Variants in PLXNA4 observed in about 807,000 individuals in gnomAD.
PLXNA4 encodes plexin A4.
PLXNA4 carries 44 observed loss-of-function variants against 191.8 expected under a neutral mutation model. The ratio of observed to expected loss-of-function variants is 0.23; its 90% CI spans 0.18 to 0.29. The LOEUF (loss-of-function observed/expected upper bound fraction) is 0.29, where lower values mean the gene tolerates loss of function less well. PLXNA4 is among the 10% of genes least tolerant of loss of function. The pLI, the probability that PLXNA4 is intolerant of heterozygous loss-of-function variation, is 1.00. For missense variants in PLXNA4, 1,800 were observed against 2,488.8 expected (o/e 0.72, Z 5.89); for synonymous variants, 1,082 against 1,009.5 (o/e 1.07, Z -1.36).
At chr7:132,386,941 T>C (rs148536377) in intron 3 of PLXNA4, among the ~76,000 whole-genome samples, 54 of 152,364 alleles carry the variant, frequency 3.5e-4, no homozygotes, top group African/African-American at 1.2e-3. Flanking sequence ...TGTAGATGGA[T>C]ACTTTTGTCA....
At chr7:132,493,979 C>A (rs1412124951) in intron 2 of PLXNA4, among the ~76,000 whole-genome samples, 1 of 152,152 alleles carries the variant, frequency 6.6e-6, no homozygotes, top group Non-Finnish European at 1.5e-5. Flanking sequence ...TACAATAGTA[C>A]ATACTTTGTT....
chr7:132,637,115 T>G lies in PLXNA4; in HGVS notation c.-87+8813A>C, dbSNP rs560266994. Among the ~76,000 whole-genome samples the G allele has an allele frequency of 2.0e-5, 3 of 152,320 alleles. No individual in the cohort carries two copies. The South Asian group carries it at 6.2e-4, about 32-fold the overall frequency. ...AAAAGTCCATTCCCAAAGAGCCTTT[T>G]GATCATTCTCTTGGCTCTCAGCTCC... On this transcript the variant is annotated intron_variant, in intron 2 of 4. Transcript: ENST00000378539.
At chr7:132,213,470 C>T (rs772933775) in intron 9 of PLXNA4, among the ~76,000 whole-genome samples, 2 of 152,204 alleles carry the variant, frequency 1.3e-5, no homozygotes, top group Non-Finnish European at 2.9e-5. Flanking sequence ...TTGGCCTTCA[C>T]CTTGCATGTG....
intron 3 of PLXNA4, among the ~76,000 whole-genome samples, chr7:132,475,943 T>C (rs1338430088): frequency 6.6e-6 from 1 of 152,100 alleles, no homozygotes; most frequent in Non-Finnish European, 1.5e-5. Context: ...GGTGTGCCGC[T>C]AATCTCCCAG....
intron 1 of PLXNA4, among the ~76,000 whole-genome samples, chr7:132,533,271 T>C (rs1037318184): frequency 6.6e-6 from 1 of 152,212 alleles, no homozygotes; most frequent in African/African-American, 2.4e-5. Flanking sequence ...TGATCAGGAC[T>C]GTTTTACCTT....
chr7:132,380,673 C>G (rs552938151), intron 3 of PLXNA4, among the ~76,000 whole-genome samples: 1 of 152,076 alleles, frequency 6.6e-6, no homozygotes, highest in Admixed American at 6.6e-5. Context: ...CAGGGCCTCA[C>G]GGGAGTGAGT....
At chr7:132,227,681 G>A (rs1798376098) in intron 6 of PLXNA4, 77 bp from the exon 7 acceptor site, 1 of 1,571,942 alleles carries the variant, frequency 6.4e-7, no homozygotes, top group South Asian at 1.1e-5. Context: ...AAAAAAGAAA[G>A]TGGGAGAGTG....
chr7:132,151,351 G>T, intron 25 of PLXNA4, among the ~76,000 whole-genome samples: 1 of 61,392 alleles, frequency 1.6e-5, no homozygotes, highest in Non-Finnish European at 4.2e-5. Context: ...GGAGGAGGAA[G>T]AAGAAGGAGG....
intron 4 of PLXNA4, among the ~76,000 whole-genome samples, chr7:132,277,280 G>A (rs764576636): frequency 1.3e-5 from 2 of 152,202 alleles, no homozygotes; most frequent in Non-Finnish European, 1.5e-5. Context: ...TTTAACTGGT[G>A]AAGAAAGGGT....
In PLXNA4 at chr7:132,458,272, C is replaced by T. The variant is rs181908279; in HGVS notation, c.1371+31020G>A. 3.6e-3 allele frequency among the ~76,000 whole-genome samples: 539 copies of T among 151,812 alleles called. 4 individuals are homozygous for T. The highest frequency in any genetic ancestry group is 0.012 in the African/African-American group (515 of 41,390). On this transcript the variant is annotated intron_variant, in intron 3 of 31. Transcript: ENST00000321063. ...ATATGCTTGGCAGGGTCTACCAAAG[C>T]GGTACACATGCCATGACCTAGCAAT... is the stretch of plus-strand genomic sequence containing the variant.
chr7:132,408,185 T>A (rs1311551442), intron 3 of PLXNA4, among the ~76,000 whole-genome samples: 1 of 152,200 alleles, frequency 6.6e-6, no homozygotes, highest in African/African-American at 2.4e-5. Context: ...AGCAGATGTT[T>A]AAAATTATAT....
chr7:132,478,731 T>A (rs1797221051), intron 3 of PLXNA4, among the ~76,000 whole-genome samples: 1 of 152,128 alleles, frequency 6.6e-6, no homozygotes, highest in Non-Finnish European at 1.5e-5. Flanking sequence ...TTTGTTTAAG[T>A]TTTGGATGCA....
chr7:132,364,988 T>C (rs986314789), intron 3 of PLXNA4, among the ~76,000 whole-genome samples: 3 of 152,198 alleles, frequency 2.0e-5, no homozygotes, highest in Non-Finnish European at 4.4e-5. Flanking sequence ...CCCATGCCAA[T>C]GGAGATGTCC....
chr7:132,334,252 C>CTTTTTTTTTTTT (rs71529758), intron 3 of PLXNA4, among the ~76,000 whole-genome samples: 101 of 75,568 alleles, frequency 1.3e-3, no homozygotes, highest in Non-Finnish European at 1.6e-3. Flanking sequence ...TTCTTTCTTT[C>CTTTTTTTTTTTT]TTTTTTTTTT....
Position 132,414,144 on chromosome 7 carries a change from G to A in PLXNA4, c.1371+75148C>T, listed in dbSNP as rs182591175. On this transcript the variant is annotated intron_variant, in intron 3 of 31. Coordinates refer to ENST00000321063, the MANE Select transcript of PLXNA4 (RefSeq NM_020911.2). ...TTTAAATGGAAAAGCCCCGGTTGCT[G>A]TAATGGCTACAACCTTGTAAGGACA... Among the ~76,000 whole-genome samples, 474 of 152,362 alleles carry A rather than the reference G, an allele frequency of 3.1e-3. 1 individual carries two copies. Among genetic ancestry groups the A allele is most frequent in the Non-Finnish European group, 5.0e-3 (339 of 68,036 alleles).
chr7:132,611,047 T>C (rs1803036252), intron 2 of PLXNA4, among the ~76,000 whole-genome samples: 1 of 152,046 alleles, frequency 6.6e-6, no homozygotes, highest in Non-Finnish European at 1.5e-5. Flanking sequence ...CCTTTCCCCA[T>C]CTCTGAGACT....
chr7:132,511,199 T>C (rs1181062616), intron 1 of PLXNA4, among the ~76,000 whole-genome samples: 1 of 152,212 alleles, frequency 6.6e-6, no homozygotes, highest in African/African-American at 2.4e-5. Context: ...TGTGGAGTAT[T>C]TACTGCACCC....
chr7:132,504,236 G>A (rs959481107), intron 2 of PLXNA4, among the ~76,000 whole-genome samples: 1 of 152,238 alleles, frequency 6.6e-6, no homozygotes, highest in African/African-American at 2.4e-5. Context: ...CCTCTGTGCG[G>A]TCCTCAGGCT....
At chr7:132,177,027 G>A (rs1562899581) in intron 20 of PLXNA4, among the ~76,000 whole-genome samples, 1 of 146,612 alleles carries the variant, frequency 6.8e-6, no homozygotes, top group Non-Finnish European at 1.5e-5. Flanking sequence ...AAGTGTGAGT[G>A]TGTAAGTATA....
Sources: allele counts gnomAD v4.1 joint callset (sites outside exome capture counted in the v4.1 genomes callset), GRCh38; gene constraint gnomAD v4.1.1; transcripts MANE v1.5; gene names NCBI Gene and HGNC (gene_info 2026-07-23, HGNC 2026-07-21).